ERCC1: variants seen among roughly 807,000 people sequenced by gnomAD.
ERCC1 encodes the protein ERCC excision repair 1, endonuclease non-catalytic subunit, also known as DNA excision repair protein ERCC-1.
ERCC1 carries 36 observed loss-of-function variants against 37.6 expected under a neutral mutation model. The ratio of observed to expected loss-of-function variants is 0.96; its 90% CI spans 0.73 to 1.26. ERCC1 has a LOEUF of 1.26. Ranked by LOEUF, ERCC1 falls within the 50% of genes most tolerant of loss-of-function variation. ERCC1 has a pLI of 0.00. For synonymous variants in ERCC1, 156 were observed against 162.1 expected, an observed-to-expected ratio of 0.96 and a Z score of 0.28; for missense variants, 349 against 376.5, an observed-to-expected ratio of 0.93 and a Z score of 0.60.
At chr19:45,430,776 G>A (rs1052389915) in intron 1 of ERCC1, among the ~76,000 whole-genome samples, 4 of 152,026 alleles carry the variant, frequency 2.6e-5, no homozygotes, top group South Asian at 2.1e-4. Context: ...AATTAGCAGG[G>A]CATGGTGGTG....
chr19:45,435,955 G>A (rs1303855344), intron 1 of ERCC1, among the ~76,000 whole-genome samples: 1 of 152,024 alleles, frequency 6.6e-6, no homozygotes, highest in Non-Finnish European at 1.5e-5. Flanking sequence ...TAGTAGAGAC[G>A]GGGTTTCACC....
At chr19:45,415,667 G>T in intron 6 of ERCC1, 1 of 393,130 alleles carries the variant, frequency 2.5e-6, no homozygotes. Flanking sequence ...AACAATTGTG[G>T]TTGCTAAAAA....
At chr19:45,423,555 T>G in intron 1 of ERCC1, 174 bp from the exon 2 acceptor site, 1 of 1,430,654 alleles carries the variant, frequency 7.0e-7, no homozygotes, top group Non-Finnish European at 9.1e-7. Context: ...GACCTCCACC[T>G]TCGGCTCGCC....
At chr19:45,425,124 G>A (rs1320005524), upstream of ERCC1, among the ~76,000 whole-genome samples, 4 of 140,234 alleles carry the variant, frequency 2.9e-5, no homozygotes, top group East Asian at 2.1e-4. Flanking sequence ...TAGTAGAGAC[G>A]GGGTTTCACC....
chr19:45,411,119 C>T (rs1363703431), intron 9 of ERCC1, among the ~76,000 whole-genome samples: 1 of 152,172 alleles, frequency 6.6e-6, no homozygotes. Context: ...CCACCGCGCC[C>T]AGCCAGGATC....
intron 1 of ERCC1, among the ~76,000 whole-genome samples, chr19:45,449,463 G>C (rs988966355): frequency 6.6e-6 from 1 of 151,882 alleles, no homozygotes; most frequent in Admixed American, 6.6e-5. Flanking sequence ...TTCGAGACCA[G>C]CCTGGGCAAC....
intron 1 of ERCC1, among the ~76,000 whole-genome samples, chr19:45,443,535 T>C (rs1429983581): frequency 1.3e-5 from 2 of 151,822 alleles, no homozygotes; most frequent in Non-Finnish European, 2.9e-5. Context: ...CACGAGCCGC[T>C]CCCCCAGGAT....
Position 45,415,805 on chromosome 19 carries a change from G to A in ERCC1, c.603-845C>T, listed in dbSNP as rs1188287304. On this transcript the variant is annotated intron_variant, in intron 6 of 9. Coordinates refer to ENST00000300853, the MANE Select transcript of ERCC1 (RefSeq NM_001983.4). The stretch of plus-strand genomic sequence containing the variant: ...ACCCCACTTCTCCCTGGGTAACCCT[G>A]GGCCAGTGGTTTGCTCTCTGGGCCT... 5 of 455,892 alleles carry A rather than the reference G, an allele frequency of 1.1e-5. 1 individual carries two copies. The highest frequency in any genetic ancestry group is 7.7e-5 in the South Asian group (5 of 64,546). The allele number at this position is 455,892 out of a possible 1,614,324, so 28.2% of individuals were successfully genotyped here.
At chr19:45,442,711 CA>C (rs1975152757) in intron 1 of ERCC1, among the ~76,000 whole-genome samples, 1 of 152,050 alleles carries the variant, frequency 6.6e-6, no homozygotes, top group South Asian at 2.1e-4. Flanking sequence ...GGGAGGGTGA[CA>C]GGGGTGGGGA....
rs552311225 is a variant in ERCC1 at position 45,435,014 on chromosome 19, C to T, written c.-7-11633G>A. 2.0e-5 allele frequency among the ~76,000 whole-genome samples: 3 copies of T among 151,996 alleles called. No homozygotes were observed. In the East Asian group the frequency reaches 5.8e-4, roughly 29 times the overall value. ...GTCGGGCTGGTCTCAAACTCCTGAC[C>T]TCAGGTGATCCACCTGCTTCAGCCT... On this transcript the variant is annotated intron_variant, in intron 1 of 8. Transcript: ENST00000423698.
At chr19:45,449,045 T>TG (rs1311127505) in intron 1 of ERCC1, 1 of 152,220 alleles carries the variant, frequency 6.6e-6, no homozygotes, top group Non-Finnish European at 1.5e-5. Flanking sequence ...CACGGGGCAC[T>TG]GACCTGACAT....
intron 1 of ERCC1, among the ~76,000 whole-genome samples, chr19:45,430,744 C>T (rs1183650169): frequency 1.3e-5 from 2 of 151,890 alleles, no homozygotes; most frequent in Non-Finnish European, 2.9e-5. Flanking sequence ...GGCAAAACCC[C>T]AACTCTACTA....
intron 4 of ERCC1, chr19:45,419,526 C>T (rs1008860493): frequency 4.0e-5 from 14 of 349,230 alleles, no homozygotes; most frequent in Middle Eastern, 9.4e-4. Flanking sequence ...GCATGGCTCG[C>T]GGTGGGAAGC....
At chr19:45,418,293 G>C (rs1974182989) in intron 5 of ERCC1, among the ~76,000 whole-genome samples, 1 of 152,160 alleles carries the variant, frequency 6.6e-6, no homozygotes, top group Admixed American at 6.6e-5. Flanking sequence ...AGGTTGCAGT[G>C]AGCCAAGATT....
intron 6 of ERCC1, among the ~76,000 whole-genome samples, chr19:45,415,337 GAAAAA>G (rs34174936): frequency 1.5e-5 from 1 of 67,508 alleles, no homozygotes; most frequent in Non-Finnish European, 3.1e-5. Context: ...CTCCATTTCA[GAAAAA>G]AAAAAAAAAA....
In ERCC1 at chr19:45,407,659, G is replaced by T; in HGVS notation, c.*2016C>A. 1 of 254,018 alleles carries T rather than the reference G, an allele frequency of 3.9e-6. No individual in the cohort carries two copies. Among genetic ancestry groups the T allele is most frequent in the Non-Finnish European group, 7.5e-6 (1 of 133,082 alleles). The allele number at this position is 254,018 out of a possible 1,614,324, so 15.7% of individuals were successfully genotyped here. A position where few individuals can be genotyped will look rare whatever the true frequency, so the allele number is the denominator to read the frequency against. ...CCATAAATATTCTGTAATTATAATT[G>T]GTGGTCAGCCTGGGATGTGGTTATT... On this transcript the variant is annotated 3_prime_UTR_variant, in exon 10 of 10. Coordinates refer to ENST00000300853, the MANE Select transcript of ERCC1 (RefSeq NM_001983.4).
chr19:45,419,118 G>A lies in ERCC1; in HGVS notation c.505C>T (p.Leu169=), dbSNP rs1363912719. Reference sequence around the variant, plus strand: ...CTTACCACATCCACCTGGACAAGCAGGACCCGCAAGGCGAAGTTCTTCCCC... The same window carrying A: ...CTTACCACATCCACCTGGACAAGCAAGACCCGCAAGGCGAAGTTCTTCCCC... The part of the protein sequence containing the change: ...SLGKNFALRV[L]LVQVDVKDPQ... Residue 169 remains leucine (L), a synonymous_variant, in exon 5 of 10, where the codon CTG becomes TTG. Coordinates refer to ENST00000300853, the MANE Select transcript of ERCC1 (RefSeq NM_001983.4). 8.8e-6 allele frequency: 14 copies of A among 1,585,872 alleles called. No homozygotes were observed. The highest frequency in any genetic ancestry group is 1.2e-5 in the Non-Finnish European group (14 of 1,164,964).
rs1974367039 is a variant in ERCC1, at chr19:45,420,764, C to A, written c.322-337G>T. Among the ~76,000 whole-genome samples, 1 of 152,104 alleles carries A rather than the reference C, an allele frequency of 6.6e-6. No homozygotes were observed. Among genetic ancestry groups the A allele is most frequent in the Non-Finnish European group, 1.5e-5 (1 of 68,038 alleles). On this transcript the variant is annotated intron_variant, in intron 3 of 9. Transcript: ENST00000300853. This position sits in a 1 kb window ranked among gnomAD's most constrained non-coding sequence, Gnocchi z 4.8. ...AGTCTGCGTGTCCTGTGGTCCTGAA[C>A]ACTTCCTGCCCTCACGCCCAGCAAC...
upstream of ERCC1, among the ~76,000 whole-genome samples, chr19:45,425,082 A>ATTTTTTTTTTTTTTTTTTTT (rs35314737): frequency 2.6e-5 from 3 of 116,950 alleles, no homozygotes; most frequent in Non-Finnish European, 1.8e-5. Flanking sequence ...TGCCCGGCTA[A>ATTTTTTTTTTTTTTTTTTTT]TTTTTTTTTT....
Sources: gnomAD v4.1 joint callset for allele counts (sites outside exome capture counted in the v4.1 genomes callset) on GRCh38, gnomAD v4.1.1 for gene constraint, Gnocchi (gnomAD v3.1) non-coding constraint, MANE v1.5 for transcripts, NCBI Gene and HGNC (gene_info 2026-07-23, HGNC 2026-07-21) for gene names.